The following BCL11A variants were observed in gnomAD, a reference collection of about 807,000 sequenced individuals.
The protein encoded by BCL11A is B cell CLL/lymphoma 11A.
Under a neutral mutation model 55.9 loss-of-function variants are expected in BCL11A, and 2 were observed. The ratio of observed to expected loss-of-function variants is 0.04; its 90% CI spans 0.01 to 0.11. The LOEUF (loss-of-function observed/expected upper bound fraction) is 0.11, where lower values mean the gene tolerates loss of function less well. Ranked by LOEUF, BCL11A falls within the 10% of genes least tolerant of loss-of-function variation. BCL11A has a pLI of 1.00. For missense variants in BCL11A, 817 were observed against 1,137.1 expected, an observed-to-expected ratio of 0.72 and a Z score of 4.05; for synonymous variants, 465 against 473.4, an observed-to-expected ratio of 0.98 and a Z score of 0.23.
intron 2 of BCL11A, among the ~76,000 whole-genome samples, chr2:60,483,406 G>A (rs780949903): frequency 2.0e-5 from 3 of 152,226 alleles, no homozygotes; most frequent in Non-Finnish European, 4.4e-5. Flanking sequence ...CCTGGCCAAG[G>A]TCAGAAGACT....
At chr2:60,457,141 C>T (rs1675978596), downstream of BCL11A, 1 of 668,172 alleles carries the variant, frequency 1.5e-6, no homozygotes. Context: ...CTGTTATTTT[C>T]TTGCAAGTAA....
At position 60,546,420 on chromosome 2, in the gene BCL11A, A is replaced by T; in HGVS notation, c.56-120T>A. The T allele has an allele frequency of 1.2e-6, 1 of 827,230 alleles. No individual in the cohort carries two copies. Among genetic ancestry groups the T allele is most frequent in the African/African-American group, 1.7e-5 (1 of 58,038 alleles). 51.2% of individuals were successfully genotyped at this position (827,230 alleles called of 1,614,324 possible). A position where few individuals can be genotyped will look rare whatever the true frequency, so the allele number is the denominator to read the frequency against. On this transcript the variant is annotated intron_variant, in intron 1 of 3. Coordinates refer to ENST00000642384, the MANE Select transcript of BCL11A (RefSeq NM_022893.4). This position sits in a 1 kb window ranked among gnomAD's most constrained non-coding sequence, Gnocchi z 4.1. Reference sequence around the variant, plus strand: ...ATGTAAAGTGTTTCTAGGCTTCTCTATATAATACCCAGAAAATGTGAGCAT... The same window carrying T: ...ATGTAAAGTGTTTCTAGGCTTCTCTTTATAATACCCAGAAAATGTGAGCAT...
rs1461007706 is a variant in BCL11A at position 60,461,126 on chromosome 2, G to A, written c.1786C>T (p.Arg596Cys). 6.2e-7 allele frequency: 1 copy of A among 1,610,734 alleles called. No homozygotes were observed. Among genetic ancestry groups the A allele is most frequent in the Non-Finnish European group, 8.5e-7 (1 of 1,179,028 alleles). ...CCATTAACAGTGCCATCGTCTATGC[G>A]GTCCGACTCGCCGGCCACCGAGTCT... ...DEDSVAGESD[R>C]IDDGTVNGRG... The change falls in exon 4 of 4, where the codon CGC (arginine) becomes TGC (cysteine). Residue 596 changes from arginine (R) to cysteine (C), a missense_variant. Arg to Cys is a radical substitution (Grantham distance 180). This residue lies in a region of BCL11A where 379 missense variants were observed against 425.3 expected (regional missense o/e 0.89). Transcript: ENST00000642384.
At chr2:60,492,615 CCTCTCTCT>C (rs3028027) in intron 2 of BCL11A, among the ~76,000 whole-genome samples, 1 of 144,538 alleles carries the variant, frequency 6.9e-6, no homozygotes, top group South Asian at 2.3e-4. Context: ...AGTGGGCCTC[CCTCTCTCT>C]CTCTCTCTCT....
chr2:60,553,135 C>A (rs1158974336), intron 1 of BCL11A, 81 bp downstream of exon 1: 5 of 1,436,150 alleles, frequency 3.5e-6, no homozygotes, highest in Non-Finnish European at 3.8e-6. Context: ...ACACACCCCT[C>A]TCTCCCCCTC....
chr2:60,536,963 G>C (rs1022576955), intron 2 of BCL11A: 2 of 152,224 alleles, frequency 1.3e-5, no homozygotes, highest in Non-Finnish European at 2.9e-5. Context: ...GTACAAACAA[G>C]TACGTGTCTG....
intron 2 of BCL11A, chr2:60,527,097 C>CT (rs891568581): frequency 3.9e-5 from 6 of 152,212 alleles, no homozygotes; most frequent in African/African-American, 1.2e-4. Flanking sequence ...CATCCAGGCA[C>CT]TTGGCCTGAA....
At chr2:60,514,261 G>A (rs1240576076) in intron 2 of BCL11A, among the ~76,000 whole-genome samples, 1 of 152,128 alleles carries the variant, frequency 6.6e-6, no homozygotes, top group African/African-American at 2.4e-5. Flanking sequence ...GAAGGCTAAG[G>A]AACACCCCGG....
chr2:60,463,662 A>G (rs1180547158), intron 3 of BCL11A, among the ~76,000 whole-genome samples: 1 of 152,118 alleles, frequency 6.6e-6, no homozygotes, highest in Non-Finnish European at 1.5e-5. Context: ...TTAAATATAT[A>G]TGGGGAGATA....
At chr2:60,508,407 T>C (rs1679768494) in intron 2 of BCL11A, among the ~76,000 whole-genome samples, 1 of 152,108 alleles carries the variant, frequency 6.6e-6, no homozygotes, top group Non-Finnish European at 1.5e-5. Context: ...GGTCCCTGAG[T>C]CTGACTTTTA....
intron 2 of BCL11A, among the ~76,000 whole-genome samples, chr2:60,503,714 G>A (rs1679419101): frequency 1.3e-5 from 2 of 152,178 alleles, no homozygotes; most frequent in South Asian, 2.1e-4. Context: ...ATAGCTGCCA[G>A]GGAAATGTGA....
chr2:60,458,182 G>T lies in BCL11A; in HGVS notation c.*2222C>A. ...TACCATTCTAGAAATACAGAAAAAA[G>T]ACCATAAATGTATTTTAGCATAGGA... On this transcript the variant is annotated 3_prime_UTR_variant, in exon 4 of 4. Transcript: ENST00000642384. The T allele has an allele frequency of 2.0e-6, 2 of 1,023,352 alleles. No homozygotes were observed. The highest frequency in any genetic ancestry group is 4.7e-5 in the South Asian group (1 of 21,480). 63.4% of individuals were successfully genotyped at this position (1,023,352 alleles called of 1,614,324 possible).
intron 2 of BCL11A, among the ~76,000 whole-genome samples, chr2:60,519,687 G>A (rs940010696): frequency 3.9e-5 from 6 of 152,186 alleles, no homozygotes; most frequent in African/African-American, 1.4e-4. Flanking sequence ...GAATCTTGTA[G>A]ATTTCTGAGG....
At chr2:60,452,527 C>T (rs763332036), downstream of BCL11A, 22 of 1,461,966 alleles carry the variant, frequency 1.5e-5, no homozygotes, top group Admixed American at 3.3e-5. Flanking sequence ...ACGCTGACGT[C>T]GACTGGGCGG....
chr2:60,464,499 C>G (rs1396075220), intron 3 of BCL11A, among the ~76,000 whole-genome samples: 2 of 152,160 alleles, frequency 1.3e-5, no homozygotes, highest in Non-Finnish European at 2.9e-5. Flanking sequence ...TCCTATTTAG[C>G]CTGACGATCT....
Position 60,457,366 on chromosome 2 carries a change from TA to T in BCL11A, c.*3037del, listed in dbSNP as rs1170337542. On this transcript the variant is annotated 3_prime_UTR_variant, in exon 4 of 4. Coordinates refer to ENST00000642384, the MANE Select transcript of BCL11A (RefSeq NM_022893.4). ...TTGTAATGACCTTTGGTCATCTAAA[TA>T]AAAAAAAAAATAAAAACAAAGAAAA... is the stretch of plus-strand genomic sequence containing the variant. 5,647 of 770,246 alleles carry T rather than the reference TA, an allele frequency of 7.3e-3. 1 individual carries two copies. Among genetic ancestry groups the T allele is most frequent in the East Asian group, 0.011 (141 of 12,338 alleles). The allele number at this position is 770,246 out of a possible 1,614,324, so 47.7% of individuals were successfully genotyped here. A position where few individuals can be genotyped will look rare whatever the true frequency, so the allele number is the denominator to read the frequency against.
chr2:60,451,172 A>T (rs1675708579), exon 5 of BCL11A: 1 of 195,730 alleles, frequency 5.1e-6, no homozygotes, highest in African/African-American at 2.3e-5. Context: ...TACTGTAGAC[A>T]GTCATTATTT....
chr2:60,549,961 CATT>C (rs1278215388), intron 1 of BCL11A: 3 of 152,162 alleles, frequency 2.0e-5, no homozygotes, highest in African/African-American at 7.2e-5. Flanking sequence ...CTGCCCGCAT[CATT>C]ATGATGATAA....
chr2:60,553,154 T>C (rs1573109541), intron 1 of BCL11A, 62 bp downstream of exon 1: 1 of 1,531,498 alleles, frequency 6.5e-7, no homozygotes, highest in African/African-American at 1.4e-5. Flanking sequence ...TCGCTTTTGC[T>C]TCTAGTCCTG....
Sources: allele counts gnomAD v4.1 joint callset (sites outside exome capture counted in the v4.1 genomes callset), GRCh38; gene constraint gnomAD v4.1.1; regional missense constraint gnomAD v4.1.1; non-coding constraint Gnocchi (gnomAD v3.1); transcripts MANE v1.5; gene names NCBI Gene and HGNC (gene_info 2026-07-23, HGNC 2026-07-21).